TLE4: variants seen among roughly 807,000 people sequenced by gnomAD.
The protein encoded by TLE4 is TLE family member 4, transcriptional corepressor.
A neutral mutation model predicts 92.8 loss-of-function variants in TLE4; 8 were observed. The observed-to-expected ratio is 0.09, with a 90% CI of 0.05 to 0.16. The LOEUF (loss-of-function observed/expected upper bound fraction) is 0.16, where lower values mean the gene tolerates loss of function less well. Ranked by LOEUF, TLE4 falls within the 10% of genes least tolerant of loss-of-function variation. TLE4 has a pLI of 1.00. For synonymous variants in TLE4, 371 were observed against 374.1 expected, an observed-to-expected ratio of 0.99 and a Z score of 0.10; for missense variants, 675 against 997.6, an observed-to-expected ratio of 0.68 and a Z score of 4.36.
intron 14 of TLE4, among the ~76,000 whole-genome samples, chr9:79,718,472 A>C (rs937755316): frequency 6.6e-5 from 10 of 152,314 alleles, no homozygotes; most frequent in Admixed American, 6.5e-4. Context: ...CTGCTGTTCT[A>C]GTTTAGAGAT....
intron 8 of TLE4, among the ~76,000 whole-genome samples, chr9:79,685,317 A>G (rs1348418252): frequency 6.6e-6 from 1 of 152,192 alleles, no homozygotes; most frequent in Non-Finnish European, 1.5e-5. Flanking sequence ...ATGCTAGATT[A>G]GAACAGATTT....
chr9:79,645,232 C>CT (rs2134020232), intron 6 of TLE4, among the ~76,000 whole-genome samples: 1 of 152,200 alleles, frequency 6.6e-6, no homozygotes, highest in Non-Finnish European at 1.5e-5. Flanking sequence ...TGCACTTGCA[C>CT]TTTTTTTAGA....
intron 8 of TLE4, among the ~76,000 whole-genome samples, chr9:79,680,822 A>G (rs2064380868): frequency 6.6e-6 from 1 of 152,148 alleles, no homozygotes. Flanking sequence ...ATTTGTTGAG[A>G]GTTTTTAGCA....
intron 2 of TLE4, 26 bp downstream of exon 2, chr9:79,573,812 C>G: frequency 6.7e-7 from 1 of 1,495,462 alleles, no homozygotes; most frequent in Non-Finnish European, 9.2e-7. Flanking sequence ...TTAGCTGATC[C>G]TTCTGTTTGC....
intron 6 of TLE4, among the ~76,000 whole-genome samples, chr9:79,636,103 CAG>C (rs1035823293): frequency 6.6e-6 from 1 of 152,014 alleles, no homozygotes; most frequent in African/African-American, 2.4e-5. Flanking sequence ...ACACAGCAGC[CAG>C]AGTGACCTTC....
chr9:79,723,139 A>C, intron 19 of TLE4, 104 bp downstream of exon 19: 1 of 1,053,822 alleles, frequency 9.5e-7, no homozygotes, highest in African/African-American at 1.6e-5. Flanking sequence ...GGTCAGAGCT[A>C]GTATTATGCA....
At chr9:79,672,960 A>G (rs1243152670) in intron 8 of TLE4, among the ~76,000 whole-genome samples, 1 of 152,176 alleles carries the variant, frequency 6.6e-6, no homozygotes, top group Non-Finnish European at 1.5e-5. Context: ...CTCTCAGCAC[A>G]GGGACTCAAT....
At chr9:79,723,859 G>A (rs538846871) in intron 19 of TLE4, among the ~76,000 whole-genome samples, 1 of 152,280 alleles carries the variant, frequency 6.6e-6, no homozygotes, top group African/African-American at 2.4e-5. Flanking sequence ...TCATAACATG[G>A]ATTATCACTT....
At chr9:79,573,886 T>A (rs1397808159) in intron 2 of TLE4, 100 bp downstream of exon 2, 10 of 791,978 alleles carry the variant, frequency 1.3e-5, no homozygotes, top group Non-Finnish European at 1.8e-5. Flanking sequence ...TGTGGGGGCG[T>A]CACAAAGGTA....
chr9:79,704,686 A>G (rs1242862798), intron 8 of TLE4, 97 bp from the exon 9 acceptor site: 1 of 1,499,622 alleles, frequency 6.7e-7, no homozygotes, highest in Non-Finnish European at 8.9e-7. Flanking sequence ...GTATATGCTA[A>G]AGAATAAAAA....
chr9:79,684,007 A>G (rs1185896105), intron 8 of TLE4, among the ~76,000 whole-genome samples: 1 of 152,252 alleles, frequency 6.6e-6, no homozygotes, highest in Non-Finnish European at 1.5e-5. Context: ...CCTGAGAACC[A>G]AAAGGAATGA....
chr9:79,621,858 C>T (rs2051086228), intron 5 of TLE4, among the ~76,000 whole-genome samples: 1 of 152,184 alleles, frequency 6.6e-6, no homozygotes, highest in South Asian at 2.1e-4. Context: ...GTACATGTGG[C>T]TAATGGCTTC....
At chr9:79,672,695 A>C (rs1293965612) in intron 8 of TLE4, among the ~76,000 whole-genome samples, 1 of 152,104 alleles carries the variant, frequency 6.6e-6, no homozygotes, top group Non-Finnish European at 1.5e-5. Flanking sequence ...CTGAGATGCC[A>C]CTTTTGCTTG....
intron 4 of TLE4, among the ~76,000 whole-genome samples, chr9:79,592,161 C>A (rs1332294850): frequency 2.7e-5 from 4 of 146,588 alleles, no homozygotes; most frequent in Admixed American, 6.9e-5. Context: ...TCTTCTTCTT[C>A]TTCTTCTTCC....
At chr9:79,596,125 C>T (rs1211032118) in intron 4 of TLE4, among the ~76,000 whole-genome samples, 5 of 152,228 alleles carry the variant, frequency 3.3e-5, no homozygotes, top group East Asian at 3.9e-4. Flanking sequence ...GGATTACAGG[C>T]GTGAGGAACC....
chr9:79,577,037 T>TTCACTAAAAATTTTTCAC (rs2038049696), intron 4 of TLE4, among the ~76,000 whole-genome samples: 2 of 152,076 alleles, frequency 1.3e-5, no homozygotes, highest in Admixed American at 6.6e-5. Flanking sequence ...GCATTTATTT[T>TTCACTAAAAATTTTTCAC]TAGTGATCTC....
At chr9:79,662,733 C>T (rs1292358218) in intron 8 of TLE4, among the ~76,000 whole-genome samples, 1 of 152,114 alleles carries the variant, frequency 6.6e-6, no homozygotes, top group Non-Finnish European at 1.5e-5. Flanking sequence ...GCCCCGGGTT[C>T]CTGTCAGTCA....
At chr9:79,650,397 C>T (rs543385077) in intron 6 of TLE4, among the ~76,000 whole-genome samples, 15 of 152,242 alleles carry the variant, frequency 9.9e-5, no homozygotes, top group Admixed American at 2.0e-4. Flanking sequence ...GCTCATTGAC[C>T]TCTGATCTGA....
intron 1 of TLE4, among the ~76,000 whole-genome samples, 196 bp downstream of exon 1, chr9:79,573,031 C>A (rs2036294002): frequency 6.6e-6 from 1 of 152,042 alleles, no homozygotes; most frequent in Non-Finnish European, 1.5e-5. Flanking sequence ...TGCGGAGAGG[C>A]AATTGAGTTG....
Sources: gnomAD v4.1 joint callset for allele counts (sites outside exome capture counted in the v4.1 genomes callset) on GRCh38, gnomAD v4.1.1 for gene constraint, MANE v1.5 for transcripts, NCBI Gene and HGNC (gene_info 2026-07-23, HGNC 2026-07-21) for gene names.